NAV3: variants seen among roughly 807,000 people sequenced by gnomAD.
NAV3 encodes neuron navigator 3.
A neutral mutation model predicts 244.7 loss-of-function variants in NAV3; 87 were observed. The observed-to-expected ratio is 0.36, with a 90% CI of 0.30 to 0.42. NAV3 has a LOEUF of 0.42. Ranked by LOEUF, NAV3 falls within the 20% of genes least tolerant of loss-of-function variation. The probability of loss-of-function intolerance (pLI) is 1.00; values close to 1 mark genes in which losing one functional copy is unlikely to be tolerated. For missense variants in NAV3, 2,663 were observed against 2,893.3 expected (o/e 0.92, Z 1.83); for synonymous variants, 1,126 against 1,042.2 (o/e 1.08, Z -1.55).
intron 1 of NAV3, among the ~76,000 whole-genome samples, chr12:77,871,191 T>G (rs533717138): frequency 1.1e-4 from 16 of 152,270 alleles, no homozygotes; most frequent in African/African-American, 3.9e-4. Flanking sequence ...AATAGAGATC[T>G]AAAAGGATAA....
chr12:77,868,805 C>T (rs142494318), intron 1 of NAV3, among the ~76,000 whole-genome samples: 2 of 150,452 alleles, frequency 1.3e-5, no homozygotes, highest in Non-Finnish European at 3.0e-5. Context: ...CATGGTGGCT[C>T]ACTCCTTTAA....
intron 9 of NAV3, among the ~76,000 whole-genome samples, chr12:78,043,344 G>C (rs1434629002): frequency 6.6e-6 from 1 of 152,254 alleles, no homozygotes; most frequent in South Asian, 2.1e-4. Context: ...ATGGGCATTT[G>C]GGTTGGTTCC....
At chr12:78,053,950 C>G (rs1883130663) in intron 11 of NAV3, among the ~76,000 whole-genome samples, 1 of 152,122 alleles carries the variant, frequency 6.6e-6, no homozygotes, top group Admixed American at 6.5e-5. Flanking sequence ...TATACTCACA[C>G]TCATGTAGAA....
At chr12:78,073,937 G>A (rs1593476461) in intron 12 of NAV3, among the ~76,000 whole-genome samples, 1 of 152,244 alleles carries the variant, frequency 6.6e-6, no homozygotes, top group East Asian at 1.9e-4. Context: ...TGATTTTATA[G>A]CAGAGATATG....
chr12:77,715,436 AAAC>A (rs769066477), intron 2 of NAV3, among the ~76,000 whole-genome samples: 1 of 151,906 alleles, frequency 6.6e-6, no homozygotes, highest in East Asian at 1.9e-4. Context: ...AAGTTGTCTA[AAAC>A]AACAAATGTT....
intron 12 of NAV3, among the ~76,000 whole-genome samples, chr12:78,110,868 CA>C (rs1955058706): frequency 6.6e-6 from 1 of 152,006 alleles, no homozygotes; most frequent in South Asian, 2.1e-4. Context: ...TCATTTGCAG[CA>C]ACATGGTTGA....
intron 39 of NAV3, among the ~76,000 whole-genome samples, chr12:78,208,131 AGAGCCTCATGCTGCATGAACTTACGGTG>A (rs1960517775): frequency 6.6e-6 from 1 of 152,138 alleles, no homozygotes; most frequent in Non-Finnish European, 1.5e-5. Context: ...GCATCTGGTG[AGAGCCTCATGCTGCATGAACTTACGGTG>A]GAAAGTGGAA....
At chr12:78,168,696 C>A in intron 23 of NAV3, 59 bp from the exon 24 acceptor site, 2 of 1,089,994 alleles carry the variant, frequency 1.8e-6, no homozygotes, top group South Asian at 1.4e-5. Flanking sequence ...CAACTATGAG[C>A]AGGGAGATTT....
At chr12:78,002,581 G>T (rs1286819155) in intron 7 of NAV3, among the ~76,000 whole-genome samples, 1 of 152,018 alleles carries the variant, frequency 6.6e-6, no homozygotes. Flanking sequence ...TAGATGTCTA[G>T]CTCTTAAACA....
Position 78,146,361 on chromosome 12 carries a change from T to G in NAV3, c.4684-8T>G. The G allele has an allele frequency of 9.2e-7, 1 of 1,087,340 alleles. No homozygotes were observed. The highest frequency in any genetic ancestry group is 1.9e-5 in the South Asian group (1 of 53,880). 67.4% of individuals were successfully genotyped at this position (1,087,340 alleles called of 1,614,324 possible). On this transcript the variant is annotated splice_region_variant and splice_polypyrimidine_tract_variant and intron_variant, in intron 20 of 39. Transcript: ENST00000397909. Reference sequence around the variant, plus strand: ...ATAGTTAAAGTCTTTCTTTTTATTGTTTTACAGGCTGAAGAAAAGGCTCAT... The same window carrying G: ...ATAGTTAAAGTCTTTCTTTTTATTGGTTTACAGGCTGAAGAAAAGGCTCAT...
intron 33 of NAV3, among the ~76,000 whole-genome samples, chr12:78,189,406 A>G (rs1428244739): frequency 1.3e-5 from 2 of 151,842 alleles, no homozygotes; most frequent in African/African-American, 4.8e-5. Context: ...TCGTAAAATG[A>G]GATACTGTTG....
At chr12:78,152,253 TA>T (rs986879489) in intron 22 of NAV3, among the ~76,000 whole-genome samples, 20 of 150,884 alleles carry the variant, frequency 1.3e-4, no homozygotes, top group South Asian at 1.2e-3. Context: ...CATCTACTTT[TA>T]AAAAAAAGTT....
intron 2 of NAV3, among the ~76,000 whole-genome samples, chr12:77,772,096 A>C (rs1403619502): frequency 6.6e-6 from 1 of 152,162 alleles, no homozygotes; most frequent in African/African-American, 2.4e-5. Flanking sequence ...CCTCAACTAC[A>C]AATTTGATAA....
At chr12:77,990,967 T>G (rs1422651262) in intron 5 of NAV3, among the ~76,000 whole-genome samples, 1 of 152,194 alleles carries the variant, frequency 6.6e-6, no homozygotes, top group Non-Finnish European at 1.5e-5. Flanking sequence ...ACACTTATGG[T>G]GCTGGTTTGG....
intron 2 of NAV3, among the ~76,000 whole-genome samples, chr12:77,719,192 G>A (rs1876500081): frequency 6.6e-6 from 1 of 151,968 alleles, no homozygotes; most frequent in Non-Finnish European, 1.5e-5. Flanking sequence ...TACTAAATTT[G>A]TTTTTTCTAA....
chr12:77,801,235 T>A (rs1462433008), intron 2 of NAV3, among the ~76,000 whole-genome samples: 2 of 152,092 alleles, frequency 1.3e-5, no homozygotes, highest in Admixed American at 1.3e-4. Context: ...ATTGCTCAAT[T>A]AATATTAGTT....
At chr12:77,776,077 C>CA (rs754244255) in intron 2 of NAV3, among the ~76,000 whole-genome samples, 3 of 152,188 alleles carry the variant, frequency 2.0e-5, no homozygotes, top group Admixed American at 1.3e-4. Context: ...GGGGAAGGCA[C>CA]AACCTGCTGG....
intron 9 of NAV3, among the ~76,000 whole-genome samples, chr12:78,046,616 T>A (rs562062250): frequency 1.5e-4 from 23 of 152,362 alleles, no homozygotes; most frequent in African/African-American, 5.1e-4. Flanking sequence ...GGATTTCCAT[T>A]CTTTTGCATT....
At chr12:77,991,065 G>A (rs147371722) in intron 5 of NAV3, among the ~76,000 whole-genome samples, 51 of 151,896 alleles carry the variant, frequency 3.4e-4, no homozygotes, top group African/African-American at 1.2e-3. Flanking sequence ...TCACTCTGTC[G>A]CCCAGGCTGG....
Sources: gnomAD v4.1 joint callset for allele counts (sites outside exome capture counted in the v4.1 genomes callset) on GRCh38, gnomAD v4.1.1 for gene constraint, MANE v1.5 for transcripts, NCBI Gene and HGNC (gene_info 2026-07-23, HGNC 2026-07-21) for gene names.